MACROD2: variants seen among roughly 807,000 people sequenced by gnomAD.
MACROD2 encodes ADP-ribose glycohydrolase MACROD2.
Under a neutral mutation model 70.4 loss-of-function variants are expected in MACROD2, and 36 were observed. The ratio of observed to expected loss-of-function variants is 0.51; its 90% CI spans 0.39 to 0.68. The LOEUF is 0.68. MACROD2 is among the 30% of genes least tolerant of loss of function. The pLI, the probability that MACROD2 is intolerant of heterozygous loss-of-function variation, is 0.00. For missense variants in MACROD2, 496 were observed against 538.4 expected, an observed-to-expected ratio of 0.92 and a Z score of 0.78; for synonymous variants, 172 against 178.8, an observed-to-expected ratio of 0.96 and a Z score of 0.30.
intron 6 of MACROD2, among the ~76,000 whole-genome samples, chr20:15,275,752 T>A (rs140130763): frequency 8.5e-5 from 13 of 152,172 alleles, no homozygotes; most frequent in African/African-American, 3.1e-4. Context: ...CTGGCACAGG[T>A]GACTTGTGTT....
At chr20:15,191,998 G>A (rs2145915863) in intron 5 of MACROD2, among the ~76,000 whole-genome samples, 2 of 149,222 alleles carry the variant, frequency 1.3e-5, no homozygotes, top group South Asian at 4.2e-4. Flanking sequence ...AACTATATGT[G>A]CCCTCTATTA....
Position 14,823,776 on chromosome 20 carries a change from T to TTTTG in MACROD2, c.418+138840_418+138843dup, listed in dbSNP as rs201067623. Among the ~76,000 whole-genome samples, 241 of 152,134 alleles carry TTTTG rather than the reference T, an allele frequency of 1.6e-3. 2 individuals carry two copies. Among genetic ancestry groups the TTTTG allele is most frequent in the Middle Eastern group, 3.4e-3 (1 of 294 alleles). On this transcript the variant is annotated intron_variant, in intron 5 of 17. Coordinates refer to ENST00000684519, the MANE Select transcript of MACROD2 (RefSeq NM_001351661.2). ...AATCCCAAATATATTTGGTGGCTTTTTTTGTTTGTTTGTTTGTTTGTTTGT... is the reference window on the plus strand; with the variant it reads ...AATCCCAAATATATTTGGTGGCTTTTTTTGTTTGTTTGTTTGTTTGTTTGTTTGT...
At chr20:15,490,554 C>G (rs907569416) in intron 7 of MACROD2, among the ~76,000 whole-genome samples, 1 of 152,104 alleles carries the variant, frequency 6.6e-6, no homozygotes, top group Non-Finnish European at 1.5e-5. Flanking sequence ...AACCACCGCA[C>G]CTGGCCTTGG....
At chr20:15,410,572 G>A (rs73269069) in intron 6 of MACROD2, among the ~76,000 whole-genome samples, 3,734 of 152,200 alleles carry the variant, frequency 0.025, 73 homozygotes, top group Non-Finnish European at 0.038. Flanking sequence ...ACAATACATA[G>A]AGGTGAAAAT....
At chr20:14,100,471 C>T (rs2054283652) in intron 3 of MACROD2, among the ~76,000 whole-genome samples, 1 of 149,434 alleles carries the variant, frequency 6.7e-6, no homozygotes, top group Admixed American at 6.7e-5. Flanking sequence ...CCAACTATAA[C>T]ACTGATGCAT....
At chr20:15,738,446 A>G (rs557103530) in intron 8 of MACROD2, among the ~76,000 whole-genome samples, 18 of 152,288 alleles carry the variant, frequency 1.2e-4, no homozygotes, top group Middle Eastern at 3.4e-3. Context: ...CACGTTTCAC[A>G]GAATTTAATG....
chr20:15,234,184 A>G (rs2076992289), intron 6 of MACROD2, among the ~76,000 whole-genome samples: 1 of 143,618 alleles, frequency 7.0e-6, no homozygotes, highest in Non-Finnish European at 1.5e-5. Context: ...GGCGCCCGCT[A>G]CCACGCCCGG....
intron 8 of MACROD2, among the ~76,000 whole-genome samples, chr20:15,851,844 G>A (rs1273969582): frequency 6.6e-6 from 1 of 152,130 alleles, no homozygotes; most frequent in Non-Finnish European, 1.5e-5. Context: ...CCACTCCTTG[G>A]AGCTGTCAGT....
rs553450746 is a variant in MACROD2 at position 14,121,218 on chromosome 20, C to T, written c.271+35490C>T. 8.6e-4 allele frequency among the ~76,000 whole-genome samples: 131 copies of T among 152,054 alleles called. 1 individual carries two copies. The South Asian group carries it at 0.019, about 22-fold the overall frequency. On this transcript the variant is annotated intron_variant, in intron 3 of 17. Transcript: ENST00000684519. ...TAGATTAGGAGGTAGAAAGTGATCC[C>T]GTCTTATGATTTTAAAGTTTGAAAG...
intron 12 of MACROD2, among the ~76,000 whole-genome samples, chr20:15,951,228 T>G (rs2065899032): frequency 6.6e-6 from 1 of 151,836 alleles, no homozygotes; most frequent in African/African-American, 2.4e-5. Context: ...CAAGCAGGAA[T>G]GTTTTGCTCT....
intron 15 of MACROD2, among the ~76,000 whole-genome samples, chr20:16,007,846 A>C (rs2066810359): frequency 6.6e-6 from 1 of 152,074 alleles, no homozygotes; most frequent in Non-Finnish European, 1.5e-5. Flanking sequence ...GAGGGTATGT[A>C]CCTAATTGTA....
intron 5 of MACROD2, among the ~76,000 whole-genome samples, chr20:14,920,117 C>A (rs2074143537): frequency 6.6e-6 from 1 of 152,130 alleles, no homozygotes; most frequent in Non-Finnish European, 1.5e-5. Flanking sequence ...TGAATTAATT[C>A]CCTTTTGAGT....
chr20:14,319,195 A>G (rs1196811963), intron 3 of MACROD2, among the ~76,000 whole-genome samples: 2 of 152,110 alleles, frequency 1.3e-5, no homozygotes, highest in African/African-American at 4.8e-5. Context: ...TAGAGCCTGA[A>G]CTACAAACCT....
chr20:15,461,352 C>A (rs80016152), intron 7 of MACROD2, among the ~76,000 whole-genome samples: 3 of 152,068 alleles, frequency 2.0e-5, no homozygotes, highest in African/African-American at 7.2e-5. Context: ...ATTCTCCCTA[C>A]GGTATGTGTC....
chr20:15,716,481 G>A (rs1023990544), intron 8 of MACROD2, among the ~76,000 whole-genome samples: 5 of 152,214 alleles, frequency 3.3e-5, no homozygotes, highest in African/African-American at 1.2e-4. Context: ...AGCTGCTGGA[G>A]ACCATTTTAA....
At chr20:15,490,470 A>C (rs1432094456) in intron 7 of MACROD2, among the ~76,000 whole-genome samples, 1 of 151,974 alleles carries the variant, frequency 6.6e-6, no homozygotes, top group East Asian at 1.9e-4. Context: ...TATGTTGCCA[A>C]GACTGGTCTA....
chr20:15,661,444 A>T (rs2049820587), intron 8 of MACROD2, among the ~76,000 whole-genome samples: 1 of 152,018 alleles, frequency 6.6e-6, no homozygotes, highest in Non-Finnish European at 1.5e-5. Context: ...CTTTCCAACA[A>T]CCCACTCTCA....
chr20:15,918,620 C>A (rs577047321), intron 10 of MACROD2, among the ~76,000 whole-genome samples: 3 of 152,194 alleles, frequency 2.0e-5, no homozygotes, highest in Non-Finnish European at 4.4e-5. Flanking sequence ...AGTCCAAGAT[C>A]ATCTGACATT....
chr20:16,002,367 G>T (rs1034161583), intron 15 of MACROD2, among the ~76,000 whole-genome samples: 1 of 152,192 alleles, frequency 6.6e-6, no homozygotes, highest in Admixed American at 6.5e-5. Context: ...CACAGGAAAA[G>T]AGACGATGCT....
Sources: allele counts gnomAD v4.1 joint callset (sites outside exome capture counted in the v4.1 genomes callset), GRCh38; gene constraint gnomAD v4.1.1; transcripts MANE v1.5; gene names NCBI Gene and HGNC (gene_info 2026-07-23, HGNC 2026-07-21).